The following KLHL8 variants were observed in gnomAD, a reference collection of about 807,000 sequenced individuals.
KLHL8 encodes the protein kelch-like protein 8.
KLHL8 carries 38 observed loss-of-function variants against 63.5 expected under a neutral mutation model. That is an observed-to-expected ratio of 0.60 (90% CI 0.46 to 0.78). The LOEUF (loss-of-function observed/expected upper bound fraction) is 0.78. Among genes scored for constraint, KLHL8 ranks in the 30% least tolerant of loss-of-function variants. The pLI, the probability that KLHL8 is intolerant of heterozygous loss-of-function variation, is 0.00. For missense variants in KLHL8, 566 were observed against 752.4 expected, an observed-to-expected ratio of 0.75 and a Z score of 2.90; for synonymous variants, 224 against 254.3, an observed-to-expected ratio of 0.88 and a Z score of 1.13.
intron 1 of KLHL8, among the ~76,000 whole-genome samples, chr4:87,231,195 TCAGTTTCC>T (rs1368806907): frequency 6.6e-6 from 1 of 152,196 alleles, no homozygotes; most frequent in Non-Finnish European, 1.5e-5. Flanking sequence ...GCCTGGTTTC[TCAGTTTCC>T]CAGGGGAGTG....
intron 1 of KLHL8, among the ~76,000 whole-genome samples, chr4:87,225,940 C>T (rs1732965253): frequency 1.3e-5 from 2 of 151,972 alleles, no homozygotes; most frequent in Non-Finnish European, 2.9e-5. Context: ...ATGAACCTGC[C>T]TAGATAGGGT....
intron 1 of KLHL8, 121 bp downstream of exon 1, chr4:87,220,297 A>G (rs950915034): frequency 1.3e-5 from 2 of 152,462 alleles, no homozygotes; most frequent in African/African-American, 4.8e-5. Flanking sequence ...CCAAGACGGG[A>G]CGGTGTTGCG....
chr4:87,203,169 A>G (rs1731983124), intron 1 of KLHL8, among the ~76,000 whole-genome samples: 1 of 152,234 alleles, frequency 6.6e-6, no homozygotes, highest in Non-Finnish European at 1.5e-5. Context: ...TGTCCCTATC[A>G]GCACACATAA....
intron 6 of KLHL8, among the ~76,000 whole-genome samples, chr4:87,171,370 T>G (rs569733926): frequency 5.9e-5 from 9 of 152,310 alleles, no homozygotes; most frequent in Non-Finnish European, 1.3e-4. Context: ...CATATTTAGT[T>G]CTATGAAGTA....
intron 8 of KLHL8, among the ~76,000 whole-genome samples, chr4:87,168,682 GTGTGTATATATATACGTATATATA>G (rs1269910416): frequency 2.3e-4 from 33 of 145,686 alleles, no homozygotes; most frequent in Admixed American, 3.4e-4. Flanking sequence ...GTGTATATAT[GTGTGTATATATATACGTATATATA>G]TGTGTATATA....
rs540567362 is a variant in KLHL8 at position 87,229,246 on chromosome 4, C to T, written n.58-7856G>A. 3.9e-5 allele frequency among the ~76,000 whole-genome samples: 6 copies of T among 152,126 alleles called. No homozygotes were observed. The South Asian group carries it at 1.2e-3, about 32-fold the overall frequency. On this transcript the variant is annotated intron_variant and non_coding_transcript_variant, in intron 1 of 1. Transcript: ENST00000506274. The stretch of plus-strand genomic sequence containing the variant: ...GTAGAGGTACTACACAGAGACTCTG[C>T]CTTTATGCTTGCAACTGTTGAATAG...
intron 6 of KLHL8, among the ~76,000 whole-genome samples, chr4:87,172,384 T>C (rs945222610): frequency 7.2e-5 from 11 of 152,214 alleles, no homozygotes; most frequent in African/African-American, 2.4e-4. Flanking sequence ...ATTCTGGCCT[T>C]GTGGGACCCT....
rs1383730061 is a variant in KLHL8 at position 87,161,351 on chromosome 4, CT to C, written c.*2167del. The C allele has an allele frequency of 6.6e-6, 1 of 152,132 alleles. No homozygotes were observed. The highest frequency in any genetic ancestry group is 1.5e-5 in the Non-Finnish European group (1 of 68,038). The allele number at this position is 152,132 out of a possible 1,614,324, so 9.4% of individuals were successfully genotyped here. The stretch of plus-strand genomic sequence containing the variant: ...GAGCCACCATGCCTGGCCTATTTAT[CT>C]TTTCATACTGCTGTCAGGTCCTTCA... On this transcript the variant is annotated 3_prime_UTR_variant, in exon 10 of 10. Coordinates refer to ENST00000273963, the MANE Select transcript of KLHL8 (RefSeq NM_020803.5).
At position 87,185,454 on chromosome 4, in the gene KLHL8, C is replaced by T. The variant is rs1170929973; in HGVS notation, c.562G>A (p.Ala188Thr). ...AAATGGTCACAGGCATACTGATCCG[C>T]CATGTCCATTAAGTCTATTCGATTG... Reference protein sequence around the residue: ...SHNRIDLMDMADQYACDHFTE... With the variant: ...SHNRIDLMDMTDQYACDHFTE... Residue 188 changes from alanine (A) to threonine (T), a missense_variant, in exon 3 of 10, where the codon GCG becomes ACG. Physicochemically the swap from Ala to Thr is moderately conservative, Grantham distance 58 (BLOSUM62 0). Transcript: ENST00000273963. 1 of 1,614,210 alleles carries T rather than the reference C, an allele frequency of 6.2e-7. No homozygotes were observed. The highest frequency in any genetic ancestry group is 1.3e-5 in the African/African-American group (1 of 75,064).
intron 1 of KLHL8, among the ~76,000 whole-genome samples, chr4:87,237,323 T>C (rs1299089047): frequency 6.6e-6 from 1 of 152,238 alleles, no homozygotes; most frequent in African/African-American, 2.4e-5. Context: ...AAAGCTGTAT[T>C]TGAGCTGGGT....
chr4:87,222,023 T>C (rs1031369964), upstream of KLHL8, among the ~76,000 whole-genome samples: 3 of 152,176 alleles, frequency 2.0e-5, no homozygotes, highest in Non-Finnish European at 2.9e-5. Flanking sequence ...AAGGTGTCTC[T>C]TACCTTCCCC....
intron 1 of KLHL8, among the ~76,000 whole-genome samples, chr4:87,231,218 T>C (rs76032626): frequency 0.077 from 11,717 of 152,246 alleles, 625 homozygotes; most frequent in Non-Finnish European, 0.12. Context: ...GGAGTGAGCC[T>C]GGTCACCCTC....
At chr4:87,222,357 T>C (rs1230660793), upstream of KLHL8, among the ~76,000 whole-genome samples, 1 of 152,044 alleles carries the variant, frequency 6.6e-6, no homozygotes, top group Non-Finnish European at 1.5e-5. Flanking sequence ...CTTTCCCCCA[T>C]AAAGAAGAGT....
At chr4:87,193,718 A>T (rs1731583459) in intron 2 of KLHL8, among the ~76,000 whole-genome samples, 1 of 152,194 alleles carries the variant, frequency 6.6e-6, no homozygotes, top group Non-Finnish European at 1.5e-5. Context: ...TTACACCAGC[A>T]TCACCACAAG....
intron 1 of KLHL8, among the ~76,000 whole-genome samples, chr4:87,229,687 C>T (rs945686627): frequency 6.6e-6 from 1 of 151,696 alleles, no homozygotes; most frequent in Non-Finnish European, 1.5e-5. Context: ...CTGCCTTAGC[C>T]TCCAAAAGTG....
upstream of KLHL8, chr4:87,220,623 G>A (rs1171529265): frequency 6.6e-6 from 1 of 152,026 alleles, no homozygotes. Context: ...GCCTCTGGGG[G>A]CGGGGCGGGC....
intron 8 of KLHL8, among the ~76,000 whole-genome samples, chr4:87,168,872 C>A (rs944717644): frequency 2.7e-5 from 4 of 149,544 alleles, no homozygotes; most frequent in African/African-American, 9.8e-5. Context: ...GTACCTTCAT[C>A]CTTGATCTTG....
intron 1 of KLHL8, among the ~76,000 whole-genome samples, chr4:87,227,105 A>G (rs966974690): frequency 1.4e-5 from 2 of 146,674 alleles, no homozygotes; most frequent in African/African-American, 5.1e-5. Flanking sequence ...ATGAAAATAA[A>G]TGCAACATGG....
intron 6 of KLHL8, among the ~76,000 whole-genome samples, chr4:87,172,055 T>G (rs919982396): frequency 6.6e-6 from 1 of 152,182 alleles, no homozygotes; most frequent in Non-Finnish European, 1.5e-5. Flanking sequence ...GTTACTCTCA[T>G]GACTATGCTA....
Sources: allele counts gnomAD v4.1 joint callset (sites outside exome capture counted in the v4.1 genomes callset), GRCh38; gene constraint gnomAD v4.1.1; transcripts MANE v1.5; gene names NCBI Gene and HGNC (gene_info 2026-07-23, HGNC 2026-07-21).